The following VPS72 variants were observed in gnomAD, a reference collection of about 807,000 sequenced individuals.
The protein encoded by VPS72 is vacuolar protein sorting-associated protein 72 homolog.
In VPS72, 27 loss-of-function variants were observed where a neutral mutation model predicts 38.9. That is an observed-to-expected ratio of 0.69 (90% CI 0.51 to 0.96). The LOEUF (loss-of-function observed/expected upper bound fraction) is 0.96, where lower values mean the gene tolerates loss of function less well. Among genes scored for constraint, VPS72 ranks in the 40% least tolerant of loss-of-function variants. VPS72 has a pLI of 0.00. For synonymous variants in VPS72, 173 were observed against 186.3 expected (o/e 0.93, Z 0.58); for missense variants, 360 against 479.5 (o/e 0.75, Z 2.33).
In VPS72 at chr1:151,176,602, C is replaced by T. The variant is rs774086791; in HGVS notation, c.*42G>A. The T allele has an allele frequency of 1.9e-6, 3 of 1,592,638 alleles. No homozygotes were observed. The highest frequency in any genetic ancestry group is 2.6e-6 in the Non-Finnish European group (3 of 1,168,468). The stretch of plus-strand genomic sequence containing the variant: ...AGAAGAAACGGAACAGCAAGAGCCC[C>T]AATCAGGGCAGGAAAGAAGTTTCTG... On this transcript the variant is annotated 3_prime_UTR_variant, in exon 6 of 6. Transcript: ENST00000368892.
intron 4 of VPS72, among the ~76,000 whole-genome samples, chr1:151,183,905 T>A (rs4970943): frequency 0.62 from 94,292 of 150,916 alleles, 29,724 homozygotes; most frequent in Middle Eastern, 0.69. Flanking sequence ...TTTTTTTTTT[T>A]AAGAGATGGG....
At chr1:151,177,180 T>C (rs1203610935) in intron 5 of VPS72, 149 bp from the exon 6 acceptor site, 8 of 773,074 alleles carry the variant, frequency 1.0e-5, no homozygotes, top group Non-Finnish European at 1.6e-5. Context: ...AGGTCAGGAG[T>C]TCGAGACCAG....
intron 5 of VPS72, among the ~76,000 whole-genome samples, chr1:151,177,282 G>A (rs981572223): frequency 1.1e-4 from 16 of 151,824 alleles, no homozygotes; most frequent in Non-Finnish European, 2.1e-4. Context: ...CTACTCAGGA[G>A]GTTGAGGCAG....
rs200212446 is a variant in VPS72, at chr1:151,180,419, TC to T, written c.563-2275del. Among the ~76,000 whole-genome samples the T allele has an allele frequency of 5.0e-3, 759 of 152,158 alleles. 7 individuals carry two copies. Among genetic ancestry groups the T allele is most frequent in the African/African-American group, 0.017 (722 of 41,512 alleles). ...TGCTTTCTCTCCTTTGAGCCAGTCT[TC>T]CAACGCCTCAACCCCTTTACTTTCT... On this transcript the variant is annotated intron_variant, in intron 4 of 5. Transcript: ENST00000368892.
chr1:151,179,303 T>TA (rs947733718), intron 4 of VPS72, among the ~76,000 whole-genome samples: 8 of 146,408 alleles, frequency 5.5e-5, no homozygotes, highest in Non-Finnish European at 1.1e-4. Flanking sequence ...TTTAAAAATT[T>TA]AAAAAAAAGG....
In VPS72 at chr1:151,178,645, G is replaced by GT. The variant is rs1684169665; in HGVS notation, c.563-501dup. Among the ~76,000 whole-genome samples the GT allele has an allele frequency of 6.6e-5, 10 of 152,200 alleles. No individual in the cohort carries two copies. The South Asian group carries it at 2.1e-3, about 32-fold the overall frequency. ...GATCATATCTCCAAAAAAAAAATTA[G>GT]TAAGGTAGGAAATTATATTTAAATA... On this transcript the variant is annotated intron_variant, in intron 4 of 5. Coordinates refer to ENST00000368892, the MANE Select transcript of VPS72 (RefSeq NM_005997.3).
chr1:151,187,728 T>C (rs1347974923), intron 1 of VPS72, among the ~76,000 whole-genome samples: 1 of 152,208 alleles, frequency 6.6e-6, no homozygotes, highest in Non-Finnish European at 1.5e-5. Flanking sequence ...ACTTGTATGC[T>C]TCTTTCTTAC....
chr1:151,176,869 C>T lies in VPS72; in HGVS notation c.870G>A (p.Glu290=), dbSNP rs587611529. 16 of 1,614,126 alleles carry T rather than the reference C, an allele frequency of 9.9e-6. No homozygotes were observed. Among genetic ancestry groups the T allele is most frequent in the African/African-American group, 4.0e-5 (3 of 75,020 alleles). ...QGRPPKVPVR[E]VCPVTHRPAL... ...CTGGACGATGGGTCACTGGACAGAC[C>T]TCACGAACAGGGACTTTTGGGGGCC... The change falls in exon 6 of 6, where the codon GAG becomes GAA. Residue 290 remains glutamate (E), a synonymous_variant. Coordinates refer to ENST00000368892, the MANE Select transcript of VPS72 (RefSeq NM_005997.3).
At chr1:151,179,831 C>T (rs972174525) in intron 4 of VPS72, among the ~76,000 whole-genome samples, 11 of 151,996 alleles carry the variant, frequency 7.2e-5, no homozygotes, top group African/African-American at 9.7e-5. Context: ...GCGGAGGTTG[C>T]GGTGCGCCAA....
At chr1:151,183,681 G>A (rs1684287743) in intron 4 of VPS72, among the ~76,000 whole-genome samples, 1 of 151,678 alleles carries the variant, frequency 6.6e-6, no homozygotes, top group South Asian at 2.1e-4. Context: ...AGGCTGGTCT[G>A]GAACTCCCAA....
intron 4 of VPS72, among the ~76,000 whole-genome samples, chr1:151,179,640 C>T (rs1684196572): frequency 6.6e-6 from 1 of 152,100 alleles, no homozygotes; most frequent in South Asian, 2.1e-4. Flanking sequence ...CGCCTGTAAT[C>T]CCAGCACTTT....
intron 1 of VPS72, among the ~76,000 whole-genome samples, chr1:151,188,272 G>A (rs1684394703): frequency 6.6e-6 from 1 of 152,018 alleles, no homozygotes; most frequent in Admixed American, 6.6e-5. Context: ...TCCTGACCTC[G>A]TGATCCACCC....
intron 2 of VPS72, 45 bp downstream of exon 2, chr1:151,185,753 A>G (rs1345485450): frequency 5.6e-6 from 9 of 1,612,244 alleles, no homozygotes; most frequent in Non-Finnish European, 7.6e-6. Flanking sequence ...TGAAAGAGAG[A>G]ATAGGAATTG....
chr1:151,176,917 G>T lies in VPS72; in HGVS notation c.822C>A (p.Phe274Leu), dbSNP rs144417847. 1 of 1,613,882 alleles carries T rather than the reference G, an allele frequency of 6.2e-7. No individual in the cohort carries two copies. Among genetic ancestry groups the T allele is most frequent in the Non-Finnish European group, 8.5e-7 (1 of 1,179,928 alleles). The change falls in exon 6 of 6, where the codon TTC (phenylalanine) becomes TTA (leucine). Residue 274 changes from phenylalanine (F) to leucine (L), a missense_variant. Phe to Leu is a conservative substitution (Grantham distance 22, BLOSUM62 0). Around this residue, in one of 2 missense-constraint regions of VPS72, gnomAD observed 294 missense variants for 356.3 expected, o/e 0.83. Transcript: ENST00000368892. ...TFITFSDDATFEEWFPQGRPP... is the reference protein window; with the variant it reads ...TFITFSDDATLEEWFPQGRPP... ...GCCGCCCTTGGGGGAACCATTCCTC[G>T]AAAGTTGCATCATCACTAAAAGTGA...
In VPS72 at chr1:151,188,046, GT is replaced by G. The variant is rs756901934; in HGVS notation, c.117+1958del. On this transcript the variant is annotated intron_variant, in intron 1 of 5. Transcript: ENST00000368892. The stretch of plus-strand genomic sequence containing the variant: ...AGTAATGACTCTGTCAGTGATGTGG[GT>G]TTTTTTTTTTTTTGAGACAGAGTCT... Among the ~76,000 whole-genome samples the G allele has an allele frequency of 2.7e-3, 387 of 142,486 alleles. 3 individuals carry two copies. The highest frequency in any genetic ancestry group is 7.3e-3 in the African/African-American group (285 of 39,262). 93.5% of individuals were successfully genotyped at this position (142,486 alleles called of 152,430 possible).
At chr1:151,188,339 A>G (rs974839016) in intron 1 of VPS72, among the ~76,000 whole-genome samples, 4 of 152,206 alleles carry the variant, frequency 2.6e-5, no homozygotes, top group African/African-American at 9.6e-5. Flanking sequence ...CCCAGCCCCT[A>G]AGTCCTGTGG....
intron 4 of VPS72, among the ~76,000 whole-genome samples, chr1:151,183,994 G>A (rs116294737): frequency 6.6e-6 from 1 of 151,700 alleles, no homozygotes; most frequent in Non-Finnish European, 1.5e-5. Flanking sequence ...GAGTCATTAG[G>A]TATATACCCC....
chr1:151,177,073 A>C, intron 5 of VPS72, 42 bp from the exon 6 acceptor site: 1 of 1,502,310 alleles, frequency 6.7e-7, no homozygotes, highest in Non-Finnish European at 8.9e-7. Flanking sequence ...AGCTGAGGAG[A>C]GAAGACAACA....
chr1:151,184,252 G>C, intron 4 of VPS72, 65 bp downstream of exon 4: 1 of 1,571,916 alleles, frequency 6.4e-7, no homozygotes, highest in Admixed American at 1.8e-5. Context: ...TGGTCCTCCA[G>C]GTCTCATGGT....
Sources: allele counts gnomAD v4.1 joint callset (sites outside exome capture counted in the v4.1 genomes callset), GRCh38; gene constraint gnomAD v4.1.1; regional missense constraint gnomAD v4.1.1; transcripts MANE v1.5; gene names NCBI Gene and HGNC (gene_info 2026-07-23, HGNC 2026-07-21).